Variants in INSL6 observed in about 807,000 individuals in gnomAD.
INSL6 encodes insulin like 6.
A neutral mutation model predicts 9.4 loss-of-function variants in INSL6; 16 were observed. The observed-to-expected ratio is 1.70, with a 90% confidence interval of 1.15 to 2.59. The LOEUF (loss-of-function observed/expected upper bound fraction) is 2.59. Ranked by LOEUF, INSL6 falls within the 30% of genes most tolerant of loss-of-function variation. The probability of loss-of-function intolerance (pLI) is 0.00; values close to 1 mark genes in which losing one functional copy is unlikely to be tolerated. For missense variants in INSL6, 391 were observed against 257.3 expected (o/e 1.52, Z -3.56); for synonymous variants, 154 against 96.9 (o/e 1.59, Z -3.46).
chr9:5,114,051 G>T, the INSL6 span: 1 of 324,796 alleles, frequency 3.1e-6, no homozygotes. Context: ...GGATGAGCTG[G>T]CCTCCACACA....
the INSL6 span, chr9:5,041,238 G>A: frequency 5.5e-5 from 80 of 1,465,448 alleles, no homozygotes; most frequent in Non-Finnish European, 6.4e-5. Flanking sequence ...GGGACCAAGC[G>A]GCAGCACGCC....
chr9:5,142,381 G>C (rs1824517919), intron 2 of INSL6, among the ~76,000 whole-genome samples: 1 of 152,198 alleles, frequency 6.6e-6, no homozygotes, highest in Non-Finnish European at 1.5e-5. Context: ...TGTCATCTCT[G>C]ATTTCTTTGA....
intron 2 of INSL6, among the ~76,000 whole-genome samples, chr9:5,158,332 G>A (rs2130900941): frequency 6.6e-6 from 1 of 152,206 alleles, no homozygotes; most frequent in Admixed American, 6.5e-5. Flanking sequence ...CAGTGTTCAA[G>A]TACAAGAAGG....
chr9:4,996,414 C>T, the INSL6 span, among the ~76,000 whole-genome samples: 1 of 151,908 alleles, frequency 6.6e-6, no homozygotes, highest in Admixed American at 6.6e-5. Context: ...TGCCATTGCA[C>T]TCTAGCCTGG....
chr9:5,082,689 C>A, the INSL6 span, among the ~76,000 whole-genome samples: 1 of 152,232 alleles, frequency 6.6e-6, no homozygotes, highest in East Asian at 1.9e-4. Flanking sequence ...CTTTCCAGGG[C>A]AGAGGTCCCT....
At chr9:5,057,378 T>G in the INSL6 span, among the ~76,000 whole-genome samples, 1 of 152,080 alleles carries the variant, frequency 6.6e-6, no homozygotes, top group Admixed American at 6.5e-5. Flanking sequence ...TTATTTCTCT[T>G]TATAATTTTG....
At chr9:5,129,220 T>C (rs573991519) in intron 3 of INSL6, among the ~76,000 whole-genome samples, 11 of 152,234 alleles carry the variant, frequency 7.2e-5, no homozygotes, top group Non-Finnish European at 7.4e-5. Flanking sequence ...TGTGCTCACT[T>C]TATTGAGCCT....
the INSL6 span, among the ~76,000 whole-genome samples, chr9:5,036,978 A>T: frequency 6.6e-6 from 1 of 152,250 alleles, no homozygotes. Flanking sequence ...TAAAGGGCTA[A>T]TATCCAGAAT....
At chr9:5,141,373 T>G (rs1824495148) in intron 2 of INSL6, among the ~76,000 whole-genome samples, 1 of 152,106 alleles carries the variant, frequency 6.6e-6, no homozygotes, top group African/African-American at 2.4e-5. Context: ...ATATGTGTTT[T>G]GACTTTTTAA....
the INSL6 span, among the ~76,000 whole-genome samples, chr9:5,029,119 T>C: frequency 1.2e-4 from 18 of 152,214 alleles, no homozygotes; most frequent in African/African-American, 4.1e-4. Flanking sequence ...GTGAGAGATA[T>C]GAAACTCTTT....
the INSL6 span, chr9:5,090,500 A>ACTAT: frequency 5.7e-6 from 9 of 1,592,242 alleles, no homozygotes; most frequent in African/African-American, 1.3e-5. Flanking sequence ...AGTTTACGAG[A>ACTAT]CTATCTTCAA....
chr9:5,058,417 C>T, the INSL6 span, among the ~76,000 whole-genome samples: 16 of 152,262 alleles, frequency 1.1e-4, no homozygotes, highest in Non-Finnish European at 1.9e-4. Flanking sequence ...ACCATCAGAT[C>T]TCATGAGAAC....
chr9:5,143,408 A>C (rs1824540228), intron 2 of INSL6, among the ~76,000 whole-genome samples: 1 of 151,808 alleles, frequency 6.6e-6, no homozygotes, highest in African/African-American at 2.4e-5. Context: ...TTCCTTGTTC[A>C]GTCTAGGGAG....
intron 1 of INSL6, among the ~76,000 whole-genome samples, chr9:5,175,536 G>T (rs1825280379): frequency 6.6e-6 from 1 of 152,142 alleles, no homozygotes; most frequent in South Asian, 2.1e-4. Context: ...CCCAACCACT[G>T]GGGACTTAAC....
chr9:5,028,239 C>G, the INSL6 span, among the ~76,000 whole-genome samples: 1 of 152,190 alleles, frequency 6.6e-6, no homozygotes, highest in Non-Finnish European at 1.5e-5. Flanking sequence ...CAATGTACAT[C>G]TTCATCAGAG....
At chr9:5,020,096 G>C in the INSL6 span, among the ~76,000 whole-genome samples, 1 of 152,156 alleles carries the variant, frequency 6.6e-6, no homozygotes, top group African/African-American at 2.4e-5. Flanking sequence ...TGGGCAGTGA[G>C]CATGGCATGG....
the INSL6 span, among the ~76,000 whole-genome samples, chr9:4,998,745 A>C: frequency 3.3e-5 from 5 of 152,036 alleles, no homozygotes; most frequent in South Asian, 4.1e-4. Context: ...AAAAAACAAA[A>C]AAAAAAACAA....
chr9:5,102,473 A>T, the INSL6 span, among the ~76,000 whole-genome samples: 1 of 152,216 alleles, frequency 6.6e-6, no homozygotes, highest in Non-Finnish European at 1.5e-5. Context: ...ACTCTTCAGG[A>T]TATTATCCAG....
intron 2 of INSL6, among the ~76,000 whole-genome samples, chr9:5,134,541 C>T (rs951533304): frequency 6.6e-6 from 1 of 152,182 alleles, no homozygotes; most frequent in African/African-American, 2.4e-5. Context: ...CAACATTCAA[C>T]ATTCTTAAAA....
Sources: gnomAD v4.1 joint callset for allele counts (sites outside exome capture counted in the v4.1 genomes callset) on GRCh38, gnomAD v4.1.1 for gene constraint, MANE v1.5 for transcripts, NCBI Gene and HGNC (gene_info 2026-07-23, HGNC 2026-07-21) for gene names.